FAM184B: variants seen among roughly 807,000 people sequenced by gnomAD.
FAM184B encodes family with sequence similarity 184 member B.
In FAM184B, 111 loss-of-function variants were observed where a neutral mutation model predicts 135.9. The observed-to-expected ratio is 0.82, with a 90% CI of 0.70 to 0.96. The LOEUF is 0.96. FAM184B is among the 40% of genes least tolerant of loss of function. FAM184B has a pLI of 0.00. For missense variants in FAM184B, 1,375 were observed against 1,323.9 expected, an observed-to-expected ratio of 1.04 and a Z score of -0.60; for synonymous variants, 552 against 524.8, an observed-to-expected ratio of 1.05 and a Z score of -0.71.
chr4:17,726,159 T>C (rs1249498879), intron 1 of FAM184B, among the ~76,000 whole-genome samples: 11 of 151,894 alleles, frequency 7.2e-5, no homozygotes. Flanking sequence ...CTCCTGACCT[T>C]GTGATCCGCC....
At chr4:17,678,938 C>T (rs1716379011) in intron 7 of FAM184B, among the ~76,000 whole-genome samples, 1 of 152,116 alleles carries the variant, frequency 6.6e-6, no homozygotes, top group African/African-American at 2.4e-5. Flanking sequence ...AAAGGACACC[C>T]TATTCAACAA....
At chr4:17,658,654 G>A (rs923461550) in intron 9 of FAM184B, 92 bp from the exon 10 acceptor site, 2 of 1,229,372 alleles carry the variant, frequency 1.6e-6, no homozygotes, top group Non-Finnish European at 2.3e-6. Flanking sequence ...TTACCTCCAT[G>A]CAGCTGAGCC....
At chr4:17,758,780 G>A (rs1277377224) in intron 1 of FAM184B, among the ~76,000 whole-genome samples, 1 of 152,080 alleles carries the variant, frequency 6.6e-6, no homozygotes, top group African/African-American at 2.4e-5. Context: ...CCTTCCCACA[G>A]CACTCTGCAG....
intron 5 of FAM184B, among the ~76,000 whole-genome samples, chr4:17,696,804 C>T (rs1427834757): frequency 1.4e-5 from 2 of 145,842 alleles, no homozygotes; most frequent in East Asian, 4.1e-4. Context: ...CAAAGCAAGA[C>T]CTTGTCTCTA....
intron 1 of FAM184B, among the ~76,000 whole-genome samples, chr4:17,724,510 A>G (rs964910674): frequency 6.6e-6 from 1 of 152,184 alleles, no homozygotes; most frequent in Non-Finnish European, 1.5e-5. Context: ...AGAAACCAAA[A>G]TTGGTCTGTT....
At chr4:17,651,537 C>CAAAAAAAA (rs751455835) in intron 11 of FAM184B, among the ~76,000 whole-genome samples, 18 of 43,104 alleles carry the variant, frequency 4.2e-4, no homozygotes, top group Non-Finnish European at 4.5e-4. Context: ...GACTCTGTCT[C>CAAAAAAAA]AAAAAAAAAA....
At chr4:17,746,954 C>T (rs1263183790) in intron 1 of FAM184B, among the ~76,000 whole-genome samples, 6 of 149,028 alleles carry the variant, frequency 4.0e-5, no homozygotes, top group Non-Finnish European at 7.4e-5. Context: ...AGGAGAATCG[C>T]TTGAGCCCTG....
chr4:17,643,727 C>T (rs10470794), intron 12 of FAM184B, among the ~76,000 whole-genome samples: 8,224 of 152,286 alleles, frequency 0.054, 715 homozygotes, highest in African/African-American at 0.19. Context: ...ACAGCTAAAT[C>T]TGGCACACAT....
chr4:17,728,066 CT>C (rs1464390987), intron 1 of FAM184B, among the ~76,000 whole-genome samples: 16 of 152,100 alleles, frequency 1.1e-4, no homozygotes, highest in African/African-American at 3.9e-4. Context: ...TCACTTAAAT[CT>C]AGGAGTCTGA....
intron 1 of FAM184B, among the ~76,000 whole-genome samples, chr4:17,742,493 C>T (rs192429297): frequency 3.3e-5 from 5 of 152,190 alleles, no homozygotes; most frequent in African/African-American, 4.8e-5. Context: ...TGAGTGAAAA[C>T]GGCTGACCCC....
intron 8 of FAM184B, 141 bp from the exon 9 acceptor site, chr4:17,660,228 C>T: frequency 2.8e-6 from 3 of 1,056,612 alleles, no homozygotes; most frequent in African/African-American, 3.2e-5. Flanking sequence ...TCTTGCTTGG[C>T]TTTCAAAAAG....
intron 12 of FAM184B, among the ~76,000 whole-genome samples, chr4:17,643,334 G>A (rs192435130): frequency 9.3e-4 from 141 of 152,062 alleles, no homozygotes; most frequent in African/African-American, 3.3e-3. Flanking sequence ...CCTCTTTGCC[G>A]ACACCCCTGC....
chr4:17,670,807 C>A (rs1202175405), intron 7 of FAM184B, among the ~76,000 whole-genome samples: 1 of 152,120 alleles, frequency 6.6e-6, no homozygotes, highest in Non-Finnish European at 1.5e-5. Context: ...AATCTAGAAC[C>A]CTGTATTTTC....
chr4:17,776,049 CAAAT>C (rs915170357), intron 1 of FAM184B, among the ~76,000 whole-genome samples: 11 of 152,068 alleles, frequency 7.2e-5, no homozygotes, highest in Admixed American at 4.6e-4. Context: ...ATATAGTAAA[CAAAT>C]AAATAAGGGC....
chr4:17,739,555 GTT>G (rs397992408), intron 1 of FAM184B, among the ~76,000 whole-genome samples: 2 of 62,510 alleles, frequency 3.2e-5, no homozygotes, highest in Admixed American at 3.2e-4. Context: ...CATACCAACT[GTT>G]TTTTTTTTTT....
At position 17,709,369 on chromosome 4, in the gene FAM184B, C is replaced by T. The variant is rs756533740; in HGVS notation, c.417G>A (p.Glu139=). The part of the protein sequence containing the change: ...TKERELRVEA[E]HAERVLTLSR... ...AGAGCGTGAGGACTCGCTCGGCGTG[C>T]TCTGCCTCCACCCTCAGCTCTCTCT... Residue 139 remains glutamate, a synonymous_variant, in exon 2 of 18, where the codon GAG becomes GAA. Coordinates refer to ENST00000265018, the MANE Select transcript of FAM184B (RefSeq NM_015688.2). The T allele has an allele frequency of 6.5e-6, 10 of 1,542,896 alleles. No individual in the cohort carries two copies. In the South Asian group the frequency reaches 1.1e-4, roughly 17 times the overall value.
At chr4:17,677,298 T>C (rs187773790) in intron 7 of FAM184B, among the ~76,000 whole-genome samples, 3 of 152,286 alleles carry the variant, frequency 2.0e-5, no homozygotes, top group South Asian at 2.1e-4. Context: ...TCTGCCCACA[T>C]TGACCTCCCA....
chr4:17,668,197 C>T lies in FAM184B; in HGVS notation c.1597-3538G>A, dbSNP rs373080044. On this transcript the variant is annotated intron_variant, in intron 7 of 17. Coordinates refer to ENST00000265018, the MANE Select transcript of FAM184B (RefSeq NM_015688.2). The stretch of plus-strand genomic sequence containing the variant: ...TCTTCCTCAGTTCACTTCTGTCCTT[C>T]TTTCCTTCCAGCGGCCCGCCCTGCT... Among the ~76,000 whole-genome samples, 7 of 152,352 alleles carry T rather than the reference C, an allele frequency of 4.6e-5. No individual in the cohort carries two copies. In the East Asian group the frequency reaches 9.6e-4, roughly 21 times the overall value.
At chr4:17,736,941 T>G (rs1270645658) in intron 1 of FAM184B, among the ~76,000 whole-genome samples, 2 of 152,160 alleles carry the variant, frequency 1.3e-5, no homozygotes, top group Non-Finnish European at 2.9e-5. Context: ...GGTCAGGAGT[T>G]CGAGACCAGC....
Sources: allele counts gnomAD v4.1 joint callset (sites outside exome capture counted in the v4.1 genomes callset), GRCh38; gene constraint gnomAD v4.1.1; transcripts MANE v1.5; gene names NCBI Gene and HGNC (gene_info 2026-07-23, HGNC 2026-07-21).